Variants in PTPN5 observed in about 807,000 individuals in gnomAD.
The protein encoded by PTPN5 is protein tyrosine phosphatase non-receptor type 5.
A neutral mutation model predicts 73.9 loss-of-function variants in PTPN5; 29 were observed. The ratio of observed to expected loss-of-function variants is 0.39; its 90% CI spans 0.29 to 0.54. The LOEUF is 0.54. Ranked by LOEUF, PTPN5 falls within the 20% of genes least tolerant of loss-of-function variation. The pLI is 0.65. For missense variants in PTPN5, 652 were observed against 751.4 expected, an observed-to-expected ratio of 0.87 and a Z score of 1.55; for synonymous variants, 267 against 304.7, an observed-to-expected ratio of 0.88 and a Z score of 1.29.
In PTPN5 at chr11:18,742,370, AG is replaced by A. The variant is rs750641738; in HGVS notation, c.616del (p.Leu206TrpfsTer15). 6.2e-7 allele frequency: 1 copy of A among 1,614,198 alleles called. No homozygotes were observed. Among genetic ancestry groups the A allele is most frequent in the South Asian group, 1.1e-5 (1 of 91,084 alleles). On this transcript the variant is annotated frameshift_variant, in exon 7 of 15. Transcript: ENST00000358540. LOFTEE classifies it high-confidence loss of function. This position sits in a 1 kb window ranked among gnomAD's most constrained non-coding sequence, Gnocchi z 4.1. ...WMEEKIEDDFLDLDPVPETPV... is the reference protein window; with the variant it reads ...WMEEKIEDDFXDLDPVPETPV... Reference sequence around the variant, plus strand: ...AGTCTCGGGCACCGGGTCGAGGTCCAGGAAGTCATCCTCGATCTTCTCCTCC... The same window carrying A: ...AGTCTCGGGCACCGGGTCGAGGTCCAGAAGTCATCCTCGATCTTCTCCTCC...
Position 18,729,938 on chromosome 11 carries a change from C to G in PTPN5, c.1330-120G>C. 7.6e-7 allele frequency: 1 copy of G among 1,317,930 alleles called. No individual in the cohort carries two copies. Among genetic ancestry groups the G allele is most frequent in the Non-Finnish European group, 1.1e-6 (1 of 928,624 alleles). The allele number at this position is 1,317,930 out of a possible 1,614,324, so 81.6% of individuals were successfully genotyped here. On this transcript the variant is annotated intron_variant, in intron 12 of 14. Transcript: ENST00000358540. The surrounding 1 kb of genome is among the most constrained non-coding windows in gnomAD (Gnocchi z 5.2). ...CACAGGAAGAACACTGAGAGTGGGA[C>G]CCCTTCACCCTTCCATCTAGGCCAC...
intron 1 of PTPN5, among the ~76,000 whole-genome samples, chr11:18,773,029 T>C (rs1368702385): frequency 6.6e-6 from 1 of 150,714 alleles, no homozygotes; most frequent in Non-Finnish European, 1.5e-5. Context: ...GTGCTCCAGG[T>C]AGAAGGAGGG....
chr11:18,772,055 A>G lies in PTPN5; in HGVS notation c.-97T>C, dbSNP rs1426931967. 2.3e-6 allele frequency: 2 copies of G among 888,510 alleles called. No homozygotes were observed. Among genetic ancestry groups the G allele is most frequent in the Non-Finnish European group, 3.4e-6 (2 of 581,090 alleles). 55.0% of individuals were successfully genotyped at this position (888,510 alleles called of 1,614,324 possible). The stretch of plus-strand genomic sequence containing the variant: ...GTGATATAAATGAAGGAGAGAGGGC[A>G]GCTTCAGATCATCCAGCTGGGAAAA... On this transcript the variant is annotated 5_prime_UTR_variant, in exon 2 of 15. Transcript: ENST00000358540.
At chr11:18,759,215 AC>A (rs1396883438) in intron 3 of PTPN5, among the ~76,000 whole-genome samples, 4 of 152,228 alleles carry the variant, frequency 2.6e-5, no homozygotes, top group African/African-American at 9.6e-5. Context: ...ATATCCTGGA[AC>A]AACCATCACC....
In PTPN5 at chr11:18,743,030, C is replaced by T; in HGVS notation, c.445G>A (p.Val149Ile). 6.4e-7 allele frequency: 1 copy of T among 1,551,908 alleles called. No individual in the cohort carries two copies. The highest frequency in any genetic ancestry group is 8.7e-7 in the Non-Finnish European group (1 of 1,147,074). Residue 149 changes from valine (V) to isoleucine (I), a missense_variant, in exon 6 of 15, where the codon GTC becomes ATC. Val to Ile is a conservative substitution (Grantham distance 29). Coordinates refer to ENST00000358540, the MANE Select transcript of PTPN5 (RefSeq NM_006906.2). ...AGGACCAGGCCCACGGACAGAAAGA[C>T]CAGCAGCAGACTGGGGACTCCCCAC... ...GTWGVPSLLL[V>I]FLSVGLVLVT...
At chr11:18,744,710 C>T (rs995084689) in intron 3 of PTPN5, among the ~76,000 whole-genome samples, 7 of 152,164 alleles carry the variant, frequency 4.6e-5, no homozygotes, top group Admixed American at 4.6e-4. Flanking sequence ...CATCTCAAGA[C>T]TCCCTGCACG....
intron 1 of PTPN5, among the ~76,000 whole-genome samples, chr11:18,786,483 T>C (rs1851677338): frequency 1.3e-5 from 2 of 152,198 alleles, no homozygotes; most frequent in Non-Finnish European, 2.9e-5. Context: ...ATTACAGGCG[T>C]GAGCCACCGC....
At chr11:18,763,361 CT>C (rs1459746721) in intron 3 of PTPN5, among the ~76,000 whole-genome samples, 4 of 152,230 alleles carry the variant, frequency 2.6e-5, no homozygotes, top group Non-Finnish European at 5.9e-5. Flanking sequence ...ACACGGGCTA[CT>C]GAGAGAGACT....
rs965888076 is a variant in PTPN5, at chr11:18,760,005, A to G, written c.97+5802T>C. ...TCCTGAAGACATGAATCGAGACCCT[A>G]TTCATGTTCTAGGTCACTTCTTAGA... On this transcript the variant is annotated intron_variant, in intron 3 of 14. Coordinates refer to ENST00000358540, the MANE Select transcript of PTPN5 (RefSeq NM_006906.2). 3.9e-5 allele frequency among the ~76,000 whole-genome samples: 6 copies of G among 152,162 alleles called. No individual in the cohort carries two copies. In the South Asian group the frequency reaches 1.2e-3, roughly 32 times the overall value.
intron 3 of PTPN5, among the ~76,000 whole-genome samples, chr11:18,759,531 G>A (rs538784840): frequency 3.9e-5 from 6 of 152,324 alleles, no homozygotes; most frequent in Non-Finnish European, 7.3e-5. Context: ...ACCTGGGATG[G>A]TACTTCTTTT....
chr11:18,732,021 G>A (rs1489012008), intron 12 of PTPN5, among the ~76,000 whole-genome samples: 1 of 152,190 alleles, frequency 6.6e-6, no homozygotes. Context: ...TTCAGGGTGG[G>A]AGGATACCTT....
intron 1 of PTPN5, among the ~76,000 whole-genome samples, chr11:18,776,565 G>A (rs549480780): frequency 3.6e-4 from 55 of 152,046 alleles, no homozygotes; most frequent in Admixed American, 1.3e-3. Context: ...CACTGCACAC[G>A]TATGACATCA....
chr11:18,748,700 G>A (rs1266914716), intron 3 of PTPN5, among the ~76,000 whole-genome samples: 3 of 152,166 alleles, frequency 2.0e-5, no homozygotes, highest in Admixed American at 2.0e-4. Flanking sequence ...GGAGAACTGG[G>A]CTAGGAGCCT....
intron 1 of PTPN5, among the ~76,000 whole-genome samples, chr11:18,777,388 T>C (rs141636940): frequency 6.8e-4 from 103 of 152,306 alleles, no homozygotes; most frequent in African/African-American, 1.7e-3. Flanking sequence ...CACAAAGTTT[T>C]TACATGAGAT....
In PTPN5 at chr11:18,730,019, C is replaced by G. The variant is rs2134183944; in HGVS notation, c.1330-201G>C. On this transcript the variant is annotated intron_variant, in intron 12 of 14. Transcript: ENST00000358540. ...AGCCAGCTTGGTTTTGGGGGTTGGT[C>G]AGCAGCGTTGGCATGGATCTTGCCT... The G allele has an allele frequency of 4.6e-6, 3 of 649,740 alleles. No individual in the cohort carries two copies. In the East Asian group the frequency reaches 8.3e-5, roughly 18 times the overall value. The allele number at this position is 649,740 out of a possible 1,614,324, so 40.2% of individuals were successfully genotyped here.
intron 3 of PTPN5, among the ~76,000 whole-genome samples, chr11:18,744,687 T>C (rs1353376568): frequency 2.0e-5 from 3 of 152,098 alleles, no homozygotes; most frequent in African/African-American, 4.8e-5. Context: ...ACCACATCCA[T>C]GTGCCCCCAC....
At chr11:18,764,947 C>T (rs1318624799) in intron 3 of PTPN5, among the ~76,000 whole-genome samples, 2 of 152,096 alleles carry the variant, frequency 1.3e-5, no homozygotes, top group East Asian at 1.9e-4. Flanking sequence ...CTCCTGACCT[C>T]GTGATCTGCC....
At chr11:18,771,758 T>C (rs1850910483) in intron 2 of PTPN5, among the ~76,000 whole-genome samples, 181 bp downstream of exon 2, 1 of 152,132 alleles carries the variant, frequency 6.6e-6, no homozygotes, top group Non-Finnish European at 1.5e-5. Flanking sequence ...CATAATGCCA[T>C]CCAGATTTTC....
rs761864397 is a variant in PTPN5, at chr11:18,742,950, AGAG to A, written c.483+39_483+41del. 4.7e-5 allele frequency: 61 copies of A among 1,287,988 alleles called. No homozygotes were observed. The Admixed American group carries it at 9.9e-4, about 21-fold the overall frequency. 79.8% of individuals were successfully genotyped at this position (1,287,988 alleles called of 1,614,324 possible). ...TGGTAGAAATCCAGGCCTCAAGGTC[AGAG>A]GAGGACAGCCTTGAGGTTGGGGTCA... On this transcript the variant is annotated intron_variant, in intron 6 of 14. Transcript: ENST00000358540. This position sits in a 1 kb window ranked among gnomAD's most constrained non-coding sequence, Gnocchi z 4.1.
Sources: gnomAD v4.1 joint callset for allele counts (sites outside exome capture counted in the v4.1 genomes callset) on GRCh38, gnomAD v4.1.1 for gene constraint, Gnocchi (gnomAD v3.1) non-coding constraint, MANE v1.5 for transcripts, NCBI Gene and HGNC (gene_info 2026-07-23, HGNC 2026-07-21) for gene names.